Variants in GEM observed in about 807,000 individuals in gnomAD.
The protein encoded by GEM is GTP binding protein overexpressed in skeletal muscle, also known as GTP-binding protein GEM.
Under a neutral mutation model 33.0 loss-of-function variants are expected in GEM, and 31 were observed. The observed-to-expected ratio is 0.94, with a 90% confidence interval of 0.71 to 1.27. GEM has a LOEUF of 1.27. Ranked by LOEUF, GEM falls within the 50% of genes most tolerant of loss-of-function variation. GEM has a pLI of 0.00. For synonymous variants in GEM, 141 were observed against 143.7 expected (o/e 0.98, Z 0.13); for missense variants, 354 against 390.5 (o/e 0.91, Z 0.79).
intron 3 of GEM, 28 bp downstream of exon 3, chr8:94,253,008 A>C (rs369902498): frequency 2.9e-5 from 37 of 1,298,060 alleles, no homozygotes; most frequent in Non-Finnish European, 3.5e-5. Context: ...GCCCTAAAGG[A>C]ATTTAGAGAG....
At chr8:94,260,009 G>T in intron 2 of GEM, 164 bp downstream of exon 2, 1 of 549,342 alleles carries the variant, frequency 1.8e-6, no homozygotes. Flanking sequence ...TTTCTTGCCC[G>T]AAAGCCTGTG....
At chr8:94,261,149 T>C (rs140088291) in intron 1 of GEM, among the ~76,000 whole-genome samples, 118 of 151,832 alleles carry the variant, frequency 7.8e-4, no homozygotes, top group African/African-American at 2.6e-3. Flanking sequence ...TTATTGGGGG[T>C]AGGGGGGAAA....
intron 2 of GEM, 38 bp downstream of exon 2, chr8:94,260,135 C>T (rs1808981774): frequency 1.5e-6 from 2 of 1,360,684 alleles, no homozygotes; most frequent in Admixed American, 1.7e-5. Flanking sequence ...CTGGGCCACC[C>T]CTGGTGGAAA....
chr8:94,260,309 T>G lies in GEM; in HGVS notation c.195A>C (p.Ser65=). 6.2e-7 allele frequency: 1 copy of G among 1,614,138 alleles called. No individual in the cohort carries two copies. The highest frequency in any genetic ancestry group is 8.5e-7 in the Non-Finnish European group (1 of 1,179,968). ...RRSWSSDSTD[S]VISSESGNTY... Reference sequence around the variant, plus strand: ...TGTTCCCTGACTCAGAGGAGATGACTGAGTCTGTGGAGTCAGAGGACCAGC... The same window carrying G: ...TGTTCCCTGACTCAGAGGAGATGACGGAGTCTGTGGAGTCAGAGGACCAGC... The change falls in exon 2 of 5, where the codon TCA becomes TCC. Residue 65 remains serine (S), a synonymous_variant. Transcript: ENST00000297596.
intron 2 of GEM, among the ~76,000 whole-genome samples, chr8:94,256,990 C>G (rs1024825138): frequency 3.9e-5 from 6 of 152,060 alleles, no homozygotes; most frequent in African/African-American, 1.4e-4. Flanking sequence ...AGTGTCAGAG[C>G]TGCGTCTAAA....
At chr8:94,252,976 C>T in intron 3 of GEM, 60 bp downstream of exon 3, 2 of 973,488 alleles carry the variant, frequency 2.1e-6, no homozygotes, top group Non-Finnish European at 3.3e-6. Flanking sequence ...ACCCTTGCAC[C>T]AAACAACTTG....
intron 2 of GEM, among the ~76,000 whole-genome samples, chr8:94,257,754 CAG>C (rs1378987577): frequency 6.6e-6 from 1 of 151,680 alleles, no homozygotes; most frequent in African/African-American, 2.4e-5. Flanking sequence ...TCAGTGTATA[CAG>C]AGAGTCATAA....
intron 2 of GEM, among the ~76,000 whole-genome samples, chr8:94,256,137 T>C (rs1808889081): frequency 6.6e-6 from 1 of 152,120 alleles, no homozygotes; most frequent in African/African-American, 2.4e-5. Flanking sequence ...TCTAAGTCCT[T>C]GGCCTGACTT....
intron 4 of GEM, among the ~76,000 whole-genome samples, chr8:94,250,841 T>C (rs895316677): frequency 3.9e-5 from 6 of 152,260 alleles, no homozygotes; most frequent in African/African-American, 1.4e-4. Context: ...TCATCAAATA[T>C]AGTGATATTA....
At chr8:94,256,939 G>A (rs1808903340) in intron 2 of GEM, among the ~76,000 whole-genome samples, 1 of 152,262 alleles carries the variant, frequency 6.6e-6, no homozygotes, top group Admixed American at 6.5e-5. Context: ...GAGGCAGCTT[G>A]AGGAGGCTAA....
intron 4 of GEM, among the ~76,000 whole-genome samples, chr8:94,251,575 C>A (rs1343713028): frequency 6.6e-6 from 1 of 152,182 alleles, no homozygotes; most frequent in Non-Finnish European, 1.5e-5. Flanking sequence ...CAGACTGATG[C>A]CTCAAATGAA....
chr8:94,255,093 C>T (rs1005250188), intron 2 of GEM, among the ~76,000 whole-genome samples: 2 of 152,152 alleles, frequency 1.3e-5, no homozygotes, highest in African/African-American at 4.8e-5. Context: ...CTCTAAAACC[C>T]CTCCCTGCAC....
At chr8:94,253,254 C>T (rs972303171) in intron 2 of GEM, 142 bp from the exon 3 acceptor site, 1 of 613,598 alleles carries the variant, frequency 1.6e-6, no homozygotes, top group African/African-American at 1.9e-5. Context: ...TTTTCAAAGG[C>T]AAATTACTAT....
At chr8:94,255,847 C>A (rs1808882195) in intron 2 of GEM, among the ~76,000 whole-genome samples, 1 of 152,142 alleles carries the variant, frequency 6.6e-6, no homozygotes, top group South Asian at 2.1e-4. Context: ...AGAACTCATG[C>A]TGATGGGGAC....
chr8:94,250,689 T>C (rs1010194691), intron 4 of GEM, 102 bp from the exon 5 acceptor site: 4 of 904,774 alleles, frequency 4.4e-6, no homozygotes, highest in Non-Finnish European at 5.0e-6. Context: ...GTCAGCTGTA[T>C]ATGCAGTGGA....
At position 94,260,172 on chromosome 8, in the gene GEM, C is replaced by T; in HGVS notation, c.331+1G>A. 1 of 1,576,020 alleles carries T rather than the reference C, an allele frequency of 6.3e-7. No homozygotes were observed. Among genetic ancestry groups the T allele is most frequent in the South Asian group, 1.1e-5 (1 of 89,802 alleles). ...AAGCCCACTGGGGCTGGGACACCTA[C>T]CTCCCAGCACCTCGCAGTCGCTGTC... On this transcript the variant is annotated splice_donor_variant, in intron 2 of 4. Transcript: ENST00000297596. LOFTEE classifies it high-confidence loss of function.
At chr8:94,259,130 T>C (rs947995514) in intron 2 of GEM, among the ~76,000 whole-genome samples, 2 of 152,358 alleles carry the variant, frequency 1.3e-5, no homozygotes, top group Admixed American at 1.3e-4. Flanking sequence ...TCATTATTTA[T>C]AGCCCAGTTC....
intron 2 of GEM, among the ~76,000 whole-genome samples, chr8:94,258,456 C>G (rs986008555): frequency 6.6e-6 from 1 of 151,980 alleles, no homozygotes; most frequent in African/African-American, 2.4e-5. Flanking sequence ...TATCCCAGAG[C>G]TTAGGCCAGA....
chr8:94,252,233 C>CA lies in GEM; in HGVS notation c.409-11dup. ...GCCATTCATTTTCCCCCTAATGAAA[C>CA]AATAAGATCTTCTGTGAGTTCAGTT... On this transcript the variant is annotated splice_polypyrimidine_tract_variant and intron_variant, in intron 3 of 4. Coordinates refer to ENST00000297596, the MANE Select transcript of GEM (RefSeq NM_005261.4). 2 of 1,579,154 alleles carry CA rather than the reference C, an allele frequency of 1.3e-6. No individual in the cohort carries two copies. Among genetic ancestry groups the CA allele is most frequent in the Non-Finnish European group, 1.7e-6 (2 of 1,151,198 alleles).
Sources: gnomAD v4.1 joint callset for allele counts (sites outside exome capture counted in the v4.1 genomes callset) on GRCh38, gnomAD v4.1.1 for gene constraint, MANE v1.5 for transcripts, NCBI Gene and HGNC (gene_info 2026-07-23, HGNC 2026-07-21) for gene names.